Variants in NPAS3 observed in about 807,000 individuals in gnomAD.
The protein encoded by NPAS3 is neuronal PAS domain protein 3.
A neutral mutation model predicts 73.1 loss-of-function variants in NPAS3; 14 were observed. The observed-to-expected ratio is 0.19, with a 90% CI of 0.13 to 0.30. The LOEUF (loss-of-function observed/expected upper bound fraction) is 0.30. Among genes scored for constraint, NPAS3 ranks in the 10% least tolerant of loss-of-function variants. NPAS3 has a pLI of 1.00. For missense variants in NPAS3, 1,096 were observed against 1,250.0 expected, an observed-to-expected ratio of 0.88 and a Z score of 1.86; for synonymous variants, 620 against 541.5, an observed-to-expected ratio of 1.14 and a Z score of -2.01.
intron 2 of NPAS3, among the ~76,000 whole-genome samples, chr14:33,181,592 T>C (rs1401574975): frequency 1.3e-5 from 2 of 152,208 alleles, no homozygotes. Context: ...AAAAATTTAG[T>C]AGTTGGGTAG....
intron 9 of NPAS3, among the ~76,000 whole-genome samples, chr14:33,786,143 A>C (rs1459672760): frequency 6.6e-6 from 1 of 152,224 alleles, no homozygotes; most frequent in Non-Finnish European, 1.5e-5. Context: ...GGAGGAGGCC[A>C]TCAAACATAA....
intron 2 of NPAS3, among the ~76,000 whole-genome samples, chr14:33,082,399 G>A (rs1468495130): frequency 6.6e-6 from 1 of 152,112 alleles, no homozygotes; most frequent in Non-Finnish European, 1.5e-5. Flanking sequence ...AAGACGTTTT[G>A]CAAATTTGAT....
intron 1 of NPAS3, among the ~76,000 whole-genome samples, chr14:33,039,788 A>C (rs548602640): frequency 5.4e-4 from 82 of 152,346 alleles, no homozygotes; most frequent in Middle Eastern, 3.4e-3. Flanking sequence ...AATAGCAGGC[A>C]TGGTACATGT....
At chr14:33,301,522 T>C (rs1011495092) in intron 3 of NPAS3, among the ~76,000 whole-genome samples, 1 of 151,796 alleles carries the variant, frequency 6.6e-6, no homozygotes, top group East Asian at 1.9e-4. Context: ...TTCTTTTCAG[T>C]GGTGTACTCC....
chr14:33,020,073 GT>G (rs2039539678), intron 1 of NPAS3, among the ~76,000 whole-genome samples: 1 of 152,074 alleles, frequency 6.6e-6, no homozygotes, highest in African/African-American at 2.4e-5. Flanking sequence ...TGTCTTGTCA[GT>G]ATTATATTTT....
intron 7 of NPAS3, among the ~76,000 whole-genome samples, chr14:33,761,493 CAAACATTCCCCAGAAGAA>C (rs2062287862): frequency 6.9e-6 from 1 of 145,704 alleles, no homozygotes; most frequent in African/African-American, 2.7e-5. Context: ...AAGGGGACTT[CAAACATTCCCCAGAAGAA>C]AAAAAAAAAA....
Position 33,328,446 on chromosome 14 carries a change from C to CTTTTTTTTTT in NPAS3, c.386-38711_386-38702dup, listed in dbSNP as rs58411120. Among the ~76,000 whole-genome samples, 302 of 49,592 alleles carry CTTTTTTTTTT rather than the reference C, an allele frequency of 6.1e-3. 101 individuals carry two copies. Among genetic ancestry groups the CTTTTTTTTTT allele is most frequent in the Non-Finnish European group, 9.0e-3 (241 of 26,756 alleles). 32.5% of individuals were successfully genotyped at this position (49,592 alleles called of 152,430 possible). A position where few individuals can be genotyped will look rare whatever the true frequency, so the allele number is the denominator to read the frequency against. On this transcript the variant is annotated intron_variant, in intron 3 of 11. Transcript: ENST00000356141. ...TTTATCTTTCTTTTCCTTTTCTTTTCTTTTTTTTTTTTTTTTTTTTTTTTT... is the reference window on the plus strand; with the variant it reads ...TTTATCTTTCTTTTCCTTTTCTTTTCTTTTTTTTTTTTTTTTTTTTTTTTTTTTTTTTTTT...
At chr14:33,700,670 T>A (rs1367609724) in intron 6 of NPAS3, among the ~76,000 whole-genome samples, 1 of 152,356 alleles carries the variant, frequency 6.6e-6, no homozygotes, top group African/African-American at 2.4e-5. Flanking sequence ...GAAAAGCTTA[T>A]CCTATAGCAG....
At chr14:33,538,095 G>T (rs2054337676) in intron 4 of NPAS3, among the ~76,000 whole-genome samples, 1 of 152,138 alleles carries the variant, frequency 6.6e-6, no homozygotes, top group Non-Finnish European at 1.5e-5. Context: ...AGTCCCTTTT[G>T]TGTCATTTTG....
At chr14:32,965,795 T>C (rs2037127850) in intron 1 of NPAS3, among the ~76,000 whole-genome samples, 2 of 152,200 alleles carry the variant, frequency 1.3e-5, no homozygotes. Context: ...GACATGATCT[T>C]GTATATAGAA....
chr14:33,609,944 T>C (rs2057699621), intron 5 of NPAS3, among the ~76,000 whole-genome samples: 1 of 152,026 alleles, frequency 6.6e-6, no homozygotes, highest in Non-Finnish European at 1.5e-5. Flanking sequence ...TTTAAGTCTT[T>C]ATCTTTTTAA....
chr14:33,014,906 G>A (rs2039337490), intron 1 of NPAS3, among the ~76,000 whole-genome samples: 2 of 152,206 alleles, frequency 1.3e-5, no homozygotes, highest in South Asian at 4.1e-4. Flanking sequence ...TTCGGAGGAA[G>A]CACTGCTCTG....
intron 3 of NPAS3, among the ~76,000 whole-genome samples, chr14:33,228,471 A>T (rs556361822): frequency 6.6e-6 from 1 of 152,326 alleles, no homozygotes; most frequent in Non-Finnish European, 1.5e-5. Context: ...TGAAACAGTG[A>T]ATAGAGCTGA....
intron 4 of NPAS3, among the ~76,000 whole-genome samples, chr14:33,384,420 T>A (rs1022290293): frequency 3.3e-5 from 5 of 150,650 alleles, no homozygotes; most frequent in African/African-American, 1.2e-4. Context: ...CTGTGTTTTT[T>A]TAAAAAAAAA....
chr14:32,995,104 C>T (rs2038511622), intron 1 of NPAS3, among the ~76,000 whole-genome samples: 1 of 152,158 alleles, frequency 6.6e-6, no homozygotes, highest in African/African-American at 2.4e-5. Flanking sequence ...CTGGGCAGCT[C>T]AGCACAGAAA....
At chr14:33,621,614 TA>T (rs1320789216) in intron 5 of NPAS3, among the ~76,000 whole-genome samples, 1 of 152,156 alleles carries the variant, frequency 6.6e-6, no homozygotes, top group Non-Finnish European at 1.5e-5. Flanking sequence ...TGGATTTTCA[TA>T]ATTATCTTTC....
At chr14:33,802,392 GAAAAAAA>G (rs1161378596), downstream of NPAS3, 1 of 92,192 alleles carries the variant, frequency 1.1e-5, no homozygotes, top group African/African-American at 3.7e-5. Context: ...AAAAAAAAAA[GAAAAAAA>G]AAAGAAAAAG....
Position 32,966,633 on chromosome 14 carries a change from G to A in NPAS3, c.50+27267G>A, listed in dbSNP as rs531865369. ...AAAATACAAAAAATTAGCCGGGCGC[G>A]GTGGCGGGCGCCTGTAGTCCCAGCT... is the stretch of plus-strand genomic sequence containing the variant. On this transcript the variant is annotated intron_variant, in intron 1 of 11. Transcript: ENST00000356141. 9.6e-5 allele frequency among the ~76,000 whole-genome samples: 13 copies of A among 135,320 alleles called. 4 individuals are homozygous for A. The highest frequency in any genetic ancestry group is 2.0e-4 in the African/African-American group (7 of 34,300). 88.8% of individuals were successfully genotyped at this position (135,320 alleles called of 152,430 possible). A position where few individuals can be genotyped will look rare whatever the true frequency, so the allele number is the denominator to read the frequency against.
intron 4 of NPAS3, among the ~76,000 whole-genome samples, chr14:33,407,126 C>T (rs938691395): frequency 1.3e-5 from 2 of 152,132 alleles, no homozygotes; most frequent in Non-Finnish European, 2.9e-5. Flanking sequence ...CTCACTGAAG[C>T]TCTTCAGTAG....
Sources: gnomAD v4.1 joint callset for allele counts (sites outside exome capture counted in the v4.1 genomes callset) on GRCh38, gnomAD v4.1.1 for gene constraint, MANE v1.5 for transcripts, NCBI Gene and HGNC (gene_info 2026-07-23, HGNC 2026-07-21) for gene names.